CREBBP: variants seen among roughly 807,000 people sequenced by gnomAD.
CREBBP encodes CREB-binding protein.
In CREBBP, 19 loss-of-function variants were observed where a neutral mutation model predicts 265.0. The ratio of observed to expected loss-of-function variants is 0.07; its 90% CI spans 0.05 to 0.11. The LOEUF (loss-of-function observed/expected upper bound fraction) is 0.11. Among genes scored for constraint, CREBBP ranks in the 10% least tolerant of loss-of-function variants. CREBBP has a pLI of 1.00. For missense variants in CREBBP, 2,525 were observed against 3,219.0 expected (o/e 0.78, Z 5.22); for synonymous variants, 1,457 against 1,223.7 (o/e 1.19, Z -3.98).
intron 23 of CREBBP, chr16:3,740,928 T>A: frequency 2.8e-6 from 1 of 361,710 alleles, no homozygotes; most frequent in Non-Finnish European, 5.4e-6. Context: ...CTCAGTGGGC[T>A]CCTCCTGCCC....
intron 2 of CREBBP, among the ~76,000 whole-genome samples, chr16:3,827,739 G>GGAGTACAGTGATACAACAATGGCT (rs1343611198): frequency 2.0e-5 from 3 of 151,992 alleles, no homozygotes; most frequent in Admixed American, 6.6e-5. Context: ...AGCCCAAGCT[G>GGAGTACAGTGATACAACAATGGCT]GAGTACAGTG....
intron 2 of CREBBP, among the ~76,000 whole-genome samples, chr16:3,835,576 CTTTTTTTTTTT>C (rs1021938849): frequency 1.0e-4 from 12 of 117,452 alleles, no homozygotes; most frequent in Admixed American, 9.5e-4. Flanking sequence ...AAGATTTCTT[CTTTTTTTTTTT>C]TTTTTTTTTT....
chr16:3,805,534 T>A (rs1055273802), intron 3 of CREBBP, among the ~76,000 whole-genome samples: 16 of 152,118 alleles, frequency 1.1e-4, no homozygotes, highest in African/African-American at 3.9e-4. Flanking sequence ...TAAGAGGAGC[T>A]CATCAAAGAC....
Position 3,767,883 on chromosome 16 carries a change from A to C in CREBBP, c.3087T>G (p.Ala1029=). ...TGTCTGTTTCTTCTTTAACTTGGGA[A>C]GCTCCTTGCAAATCCTCCTCCATCA... is the stretch of plus-strand genomic sequence containing the variant. ...SEMMEEDLQG[A]SQVKEETDIA... is the part of the protein sequence containing the mutation. The change falls in exon 16 of 31, where the codon GCT becomes GCG. Residue 1029 remains alanine, a synonymous_variant. Transcript: ENST00000262367. The C allele has an allele frequency of 1.2e-6, 2 of 1,614,044 alleles. No individual in the cohort carries two copies. Among genetic ancestry groups the C allele is most frequent in the Non-Finnish European group, 1.7e-6 (2 of 1,180,018 alleles).
chr16:3,814,589 T>C (rs1317189502), intron 2 of CREBBP, among the ~76,000 whole-genome samples: 1 of 152,014 alleles, frequency 6.6e-6, no homozygotes, highest in African/African-American at 2.4e-5. Context: ...TAACCCAGTG[T>C]TTGGAAGCGC....
At chr16:3,862,036 C>T (rs888621660) in intron 1 of CREBBP, among the ~76,000 whole-genome samples, 14 of 152,188 alleles carry the variant, frequency 9.2e-5, no homozygotes, top group African/African-American at 3.4e-4. Context: ...GGCCCTCACT[C>T]GGTGCAGGAC....
At chr16:3,831,883 G>A (rs2054349946) in intron 2 of CREBBP, among the ~76,000 whole-genome samples, 1 of 152,082 alleles carries the variant, frequency 6.6e-6, no homozygotes, top group African/African-American at 2.4e-5. Flanking sequence ...TGTAAGCACA[G>A]CTACTTGGGA....
rs774047746 is a variant in CREBBP at position 3,758,033 on chromosome 16, C to T, written c.3385G>A (p.Val1129Ile). The change falls in exon 18 of 31, where the codon GTA becomes ATA. Residue 1129 changes from valine (V) to isoleucine (I), a missense_variant. By Grantham distance (29) the Val-to-Ile change is conservative. Transcript: ENST00000262367. ...GTGGAGAGGTCCATGGGATTCTTTA[C>T]GATGTCAAAATAGTCCTTAAAAAAA... ...LLGIPDYFDI[V>I]KNPMDLSTIK... 18 of 1,609,806 alleles carry T rather than the reference C, an allele frequency of 1.1e-5. No homozygotes were observed. Among genetic ancestry groups the T allele is most frequent in the Non-Finnish European group, 1.2e-5 (14 of 1,179,642 alleles).
At chr16:3,865,726 C>G (rs2055164567) in intron 1 of CREBBP, among the ~76,000 whole-genome samples, 1 of 152,038 alleles carries the variant, frequency 6.6e-6, no homozygotes, top group African/African-American at 2.4e-5. Flanking sequence ...GCAACCTCCA[C>G]CTTCTGGGTT....
At chr16:3,775,449 G>A (rs2053114483) in intron 11 of CREBBP, among the ~76,000 whole-genome samples, 1 of 152,120 alleles carries the variant, frequency 6.6e-6, no homozygotes. Context: ...ATTAGTCTTA[G>A]GACCAACACT....
intron 2 of CREBBP, among the ~76,000 whole-genome samples, chr16:3,844,921 C>T (rs1374368032): frequency 6.6e-6 from 1 of 152,072 alleles, no homozygotes. Context: ...CCATACTATG[C>T]TTCCAAGCAA....
At chr16:3,873,993 G>C (rs1487805474) in intron 1 of CREBBP, among the ~76,000 whole-genome samples, 1 of 152,180 alleles carries the variant, frequency 6.6e-6, no homozygotes, top group Admixed American at 6.5e-5. Context: ...GAGGGCCGTG[G>C]AAAGGCTCTG....
At chr16:3,769,442 A>G (rs2052945336) in intron 14 of CREBBP, 89 bp from the exon 15 acceptor site, 2 of 1,507,230 alleles carry the variant, frequency 1.3e-6, no homozygotes, top group Non-Finnish European at 1.8e-6. Context: ...ACAATTTCCC[A>G]TTAACATTTC....
At chr16:3,753,086 A>G (rs1197774242) in intron 19 of CREBBP, among the ~76,000 whole-genome samples, 1 of 152,214 alleles carries the variant, frequency 6.6e-6, no homozygotes, top group African/African-American at 2.4e-5. Context: ...CTATGTCTAC[A>G]AGATGCCAGG....
At position 3,767,903 on chromosome 16, in the gene CREBBP, C is replaced by T. The variant is rs2141183877; in HGVS notation, c.3067G>A (p.Glu1023Lys). 2 of 1,614,064 alleles carry T rather than the reference C, an allele frequency of 1.2e-6. No individual in the cohort carries two copies. Among genetic ancestry groups the T allele is most frequent in the South Asian group, 1.1e-5 (1 of 91,082 alleles). The change falls in exon 16 of 31, where the codon GAG becomes AAG. Residue 1023 changes from glutamate to lysine, a missense_variant. Physicochemically the swap from Glu to Lys is moderately conservative, Grantham distance 56. Transcript: ENST00000262367. The stretch of plus-strand genomic sequence containing the variant: ...TGGGAAGCTCCTTGCAAATCCTCCT[C>T]CATCATCTTGAGAAAAACATTACAG... ...SKGEPRSEMM[E>K]EDLQGASQVK...
chr16:3,761,448 G>C, intron 16 of CREBBP: 1 of 487,182 alleles, frequency 2.1e-6, no homozygotes, highest in Non-Finnish European at 4.1e-6. Flanking sequence ...CCTAACTGGT[G>C]AAAGCAAAAG....
At chr16:3,763,559 G>A (rs2052773603) in intron 16 of CREBBP, among the ~76,000 whole-genome samples, 1 of 152,012 alleles carries the variant, frequency 6.6e-6, no homozygotes. Flanking sequence ...CGCCTCCTGG[G>A]TTCAAGTGAT....
chr16:3,779,944 TCAACAA>T (rs749617612), intron 8 of CREBBP, among the ~76,000 whole-genome samples: 1 of 151,240 alleles, frequency 6.6e-6, no homozygotes, highest in African/African-American at 2.4e-5. Flanking sequence ...TCTCTCTCTC[TCAACAA>T]CAACAACAAC....
At chr16:3,745,195 G>A (rs775821020) in intron 22 of CREBBP, 82 bp downstream of exon 22, 275 of 1,251,186 alleles carry the variant, frequency 2.2e-4, no homozygotes, top group Non-Finnish European at 2.8e-4. Context: ...TGACAACAAT[G>A]AATGAGATGC....
Sources: allele counts gnomAD v4.1 joint callset (sites outside exome capture counted in the v4.1 genomes callset), GRCh38; gene constraint gnomAD v4.1.1; transcripts MANE v1.5; gene names NCBI Gene and HGNC (gene_info 2026-07-23, HGNC 2026-07-21).